ASIC2: variants seen among roughly 807,000 people sequenced by gnomAD.
The protein encoded by ASIC2 is acid-sensing ion channel 2.
Under a neutral mutation model 57.3 loss-of-function variants are expected in ASIC2, and 25 were observed. The ratio of observed to expected loss-of-function variants is 0.44; its 90% confidence interval spans 0.32 to 0.61. ASIC2 has a LOEUF of 0.61. Ranked by LOEUF, ASIC2 falls within the 20% of genes least tolerant of loss-of-function variation. The probability of loss-of-function intolerance (pLI) is 0.06; values close to 1 mark genes in which losing one functional copy is unlikely to be tolerated. For missense variants in ASIC2, 641 were observed against 738.1 expected (o/e 0.87, Z 1.52); for synonymous variants, 319 against 307.5 (o/e 1.04, Z -0.39).
At chr17:33,073,597 G>A (rs9893346) in intron 3 of ASIC2, among the ~76,000 whole-genome samples, 2 of 152,108 alleles carry the variant, frequency 1.3e-5, no homozygotes, top group African/African-American at 4.8e-5. Context: ...TGGGGATCCC[G>A]AGAGACTAAG....
Position 33,293,276 on chromosome 17 carries a change from C to T in ASIC2, c.-1161G>A, listed in dbSNP as rs1025593381. On this transcript the variant is annotated 5_prime_UTR_variant, in exon 1 of 10. Coordinates refer to ENST00000225823, the MANE Select transcript of ASIC2 (RefSeq NM_183377.2). Reference sequence around the variant, plus strand: ...TGGGCTCCGAGCACCTGCTCCTCAGCTCGCTGGCCCCGCGGCTCCGGGCGG... The same window carrying T: ...TGGGCTCCGAGCACCTGCTCCTCAGTTCGCTGGCCCCGCGGCTCCGGGCGG... Among the ~76,000 whole-genome samples the T allele has an allele frequency of 1.8e-4, 27 of 152,148 alleles. No homozygotes were observed. In the East Asian group the frequency reaches 4.3e-3, roughly 24 times the overall value.
At chr17:33,259,295 T>C (rs1198835673) in intron 1 of ASIC2, among the ~76,000 whole-genome samples, 1 of 152,228 alleles carries the variant, frequency 6.6e-6, no homozygotes, top group African/African-American at 2.4e-5. Flanking sequence ...CATTATCTTG[T>C]ACAGCAATAT....
In ASIC2 at chr17:33,286,044, T is replaced by G. The variant is rs578078152; in HGVS notation, c.708+5364A>C. Among the ~76,000 whole-genome samples, 5 of 152,362 alleles carry G rather than the reference T, an allele frequency of 3.3e-5. No individual in the cohort carries two copies. In the South Asian group the frequency reaches 1.0e-3, roughly 32 times the overall value. ...ATTCCTCTTTCTCTAAAGACAAAAG[T>G]ATCTTTCTTGATTCCCTAAAGCTAT... is the stretch of plus-strand genomic sequence containing the variant. On this transcript the variant is annotated intron_variant, in intron 1 of 9. Coordinates refer to ENST00000225823, the MANE Select transcript of ASIC2 (RefSeq NM_183377.2).
chr17:33,482,169 T>G (rs1259636734), intron 1 of ASIC2, among the ~76,000 whole-genome samples: 1 of 152,224 alleles, frequency 6.6e-6, no homozygotes, highest in African/African-American at 2.4e-5. Context: ...GCCATGACTG[T>G]CTTGTCCATG....
At chr17:33,382,941 T>G (rs1334465757) in intron 1 of ASIC2, among the ~76,000 whole-genome samples, 1 of 152,228 alleles carries the variant, frequency 6.6e-6, no homozygotes, top group African/African-American at 2.4e-5. Flanking sequence ...TTTTCAGGTC[T>G]GCCGTTCCCT....
chr17:34,120,893 C>T (rs1405757682), intron 1 of ASIC2, among the ~76,000 whole-genome samples: 1 of 150,838 alleles, frequency 6.6e-6, no homozygotes, highest in Non-Finnish European at 1.5e-5. Context: ...CGCCTGCCAC[C>T]ACGCCTGGCT....
chr17:34,046,811 C>T (rs1300388997), intron 1 of ASIC2, among the ~76,000 whole-genome samples: 1 of 152,156 alleles, frequency 6.6e-6, no homozygotes, highest in Admixed American at 6.5e-5. Flanking sequence ...ATACAAGCTC[C>T]AGTTTGTTCT....
chr17:33,139,643 C>A (rs1365480826), intron 1 of ASIC2, among the ~76,000 whole-genome samples: 15 of 152,164 alleles, frequency 9.9e-5, no homozygotes, highest in Admixed American at 9.8e-4. Context: ...CTGCCAAAGT[C>A]CCCTTCATTC....
At chr17:33,996,594 T>G (rs544567310) in intron 1 of ASIC2, among the ~76,000 whole-genome samples, 1 of 152,214 alleles carries the variant, frequency 6.6e-6, no homozygotes, top group Non-Finnish European at 1.5e-5. Flanking sequence ...CCCAACACAG[T>G]CTGGGAAAGA....
intron 6 of ASIC2, 93 bp from the exon 7 acceptor site, chr17:33,021,403 A>G: frequency 2.8e-6 from 3 of 1,077,004 alleles, no homozygotes; most frequent in South Asian, 3.0e-5. Flanking sequence ...AGATGGAGAA[A>G]AGGAGGCCCA....
chr17:33,023,575 C>A (rs1398244706), intron 6 of ASIC2, among the ~76,000 whole-genome samples: 1 of 152,096 alleles, frequency 6.6e-6, no homozygotes, highest in East Asian at 1.9e-4. Context: ...TCATTCTCTC[C>A]TTCCCTATGC....
At chr17:33,375,911 A>G (rs1466279789) in intron 1 of ASIC2, among the ~76,000 whole-genome samples, 1 of 152,170 alleles carries the variant, frequency 6.6e-6, no homozygotes, top group Non-Finnish European at 1.5e-5. Context: ...AAGGAAGGAC[A>G]TGTTGGTTTT....
intron 1 of ASIC2, among the ~76,000 whole-genome samples, chr17:34,011,607 A>G (rs1247371170): frequency 6.6e-6 from 1 of 151,766 alleles, no homozygotes; most frequent in Non-Finnish European, 1.5e-5. Flanking sequence ...CTTGAAGGAG[A>G]GGTTAATAGG....
At chr17:33,813,392 A>AACAC (rs2141887389) in intron 1 of ASIC2, among the ~76,000 whole-genome samples, 1 of 152,194 alleles carries the variant, frequency 6.6e-6, no homozygotes, top group East Asian at 1.9e-4. Context: ...CAAACAAACA[A>AACAC]ACCCAGCCCC....
At position 34,129,781 on chromosome 17, in the gene ASIC2, A is replaced by G. The variant is rs1183501772; in HGVS notation, c.555+26197T>C. Among the ~76,000 whole-genome samples, 6 of 152,328 alleles carry G rather than the reference A, an allele frequency of 3.9e-5. No homozygotes were observed. In the East Asian group the frequency reaches 1.2e-3, roughly 29 times the overall value. On this transcript the variant is annotated intron_variant, in intron 1 of 9. Coordinates refer to the ASIC2 transcript ENST00000359872. ...ACAGGGCATACTAGTAGCTGCTTCCAATCTTCTTGGATCCCCAGATCAAAG... is the reference window on the plus strand; with the variant it reads ...ACAGGGCATACTAGTAGCTGCTTCCGATCTTCTTGGATCCCCAGATCAAAG...
chr17:33,526,960 T>G (rs1015784011), intron 1 of ASIC2, among the ~76,000 whole-genome samples: 4 of 152,226 alleles, frequency 2.6e-5, no homozygotes, highest in African/African-American at 9.6e-5. Context: ...TGCACATAAT[T>G]GAGACAGATT....
intron 1 of ASIC2, among the ~76,000 whole-genome samples, chr17:33,223,463 G>A (rs553322097): frequency 7.9e-5 from 12 of 152,242 alleles, no homozygotes; most frequent in African/African-American, 1.2e-4. Flanking sequence ...GATTACAGGC[G>A]TGAGCCACCA....
At chr17:33,538,774 C>G (rs1915316410) in intron 1 of ASIC2, among the ~76,000 whole-genome samples, 1 of 152,154 alleles carries the variant, frequency 6.6e-6, no homozygotes, top group Non-Finnish European at 1.5e-5. Context: ...GATCCATGCT[C>G]TCTTTTGAAG....
intron 1 of ASIC2, among the ~76,000 whole-genome samples, chr17:33,397,924 C>T (rs1363711773): frequency 6.6e-6 from 1 of 152,164 alleles, no homozygotes; most frequent in East Asian, 1.9e-4. Context: ...CTTTTTGAGT[C>T]ACAGTGATTT....
Sources: gnomAD v4.1 joint callset for allele counts (sites outside exome capture counted in the v4.1 genomes callset) on GRCh38, gnomAD v4.1.1 for gene constraint, MANE v1.5 for transcripts, NCBI Gene and HGNC (gene_info 2026-07-23, HGNC 2026-07-21) for gene names.